LONRF2: variants seen among roughly 807,000 people sequenced by gnomAD.
LONRF2 encodes LON peptidase N-terminal domain and ring finger 2.
LONRF2 carries 35 observed loss-of-function variants against 66.6 expected under a neutral mutation model. The observed-to-expected ratio is 0.53, with a 90% CI of 0.40 to 0.70. The LOEUF (loss-of-function observed/expected upper bound fraction) is 0.70, where lower values mean the gene tolerates loss of function less well. Among genes scored for constraint, LONRF2 ranks in the 30% least tolerant of loss-of-function variants. The pLI is 0.00. For missense variants in LONRF2, 902 were observed against 1,002.1 expected (o/e 0.90, Z 1.35); for synonymous variants, 417 against 418.1 (o/e 1.00, Z 0.03).
intron 6 of LONRF2, 55 bp from the exon 7 acceptor site, chr2:100,299,005 A>C: frequency 7.2e-7 from 1 of 1,382,078 alleles, no homozygotes; most frequent in Non-Finnish European, 1.0e-6. Flanking sequence ...CTTTCAAATC[A>C]TGGACTGGTT....
In LONRF2 at chr2:100,321,948, A is replaced by T. The variant is rs763015178; in HGVS notation, c.146T>A (p.Met49Lys). 1.2e-5 allele frequency: 18 copies of T among 1,452,314 alleles called. No homozygotes were observed. The East Asian group carries it at 2.3e-4, about 19-fold the overall frequency. The allele number at this position is 1,452,314 out of a possible 1,614,324, so 90.0% of individuals were successfully genotyped here. The change falls in exon 1 of 12, where the codon ATG becomes AAG. Residue 49 changes from methionine (M) to lysine (K), a missense_variant. By Grantham distance (95) the Met-to-Lys change is moderately conservative. This residue lies in a region of LONRF2 where 585 missense variants were observed against 569.9 expected (regional missense o/e 1.03). Coordinates refer to ENST00000393437, the MANE Select transcript of LONRF2 (RefSeq NM_198461.4). ...YEMAAELFRSMLAGLAQPDRG... is the reference protein window; with the variant it reads ...YEMAAELFRSKLAGLAQPDRG... Reference sequence around the variant, plus strand: ...GTCCGGCTGCGCCAGCCCGGCTAGCATGGAGCGAAAGAGCTCGGCTGCCAT... The same window carrying T: ...GTCCGGCTGCGCCAGCCCGGCTAGCTTGGAGCGAAAGAGCTCGGCTGCCAT...
Position 100,321,639 on chromosome 2 carries a change from T to A in LONRF2, c.455A>T (p.Lys152Met), listed in dbSNP as rs776775414. 2.5e-5 allele frequency: 36 copies of A among 1,440,268 alleles called. 1 individual carries two copies. In the South Asian group the frequency reaches 4.7e-4, roughly 19 times the overall value. 89.2% of individuals were successfully genotyped at this position (1,440,268 alleles called of 1,614,324 possible). A position where few individuals can be genotyped will look rare whatever the true frequency, so the allele number is the denominator to read the frequency against. ...GAGCCCGCAGGGCAGCGTCACCGGC[T>A]TATGCAGCAGCCGCCGGCAGCGCGG... ...GCPRCRRLLH[K>M]PVTLPCGLTV... is the part of the protein sequence containing the mutation. Residue 152 changes from lysine to methionine, a missense_variant, in exon 1 of 12, where the codon AAG becomes ATG. This residue lies in a region of LONRF2 where 585 missense variants were observed against 569.9 expected (regional missense o/e 1.03). Coordinates refer to ENST00000393437, the MANE Select transcript of LONRF2 (RefSeq NM_198461.4).
intron 7 of LONRF2, among the ~76,000 whole-genome samples, chr2:100,297,277 C>G (rs1354908988): frequency 6.7e-6 from 1 of 150,180 alleles, no homozygotes; most frequent in Non-Finnish European, 1.5e-5. Flanking sequence ...TACAGGTGCC[C>G]GCCACCATAC....
At position 100,272,038 on chromosome 2, in the gene LONRF2, C is replaced by T. The variant is rs1674510869; in HGVS notation, c.*12260G>A. Among the ~76,000 whole-genome samples, 1 of 152,182 alleles carries T rather than the reference C, an allele frequency of 6.6e-6. No individual in the cohort carries two copies. Among genetic ancestry groups the T allele is most frequent in the Non-Finnish European group, 1.5e-5 (1 of 68,040 alleles). On this transcript the variant is annotated 3_prime_UTR_variant, in exon 12 of 12. Coordinates refer to ENST00000393437, the MANE Select transcript of LONRF2 (RefSeq NM_198461.4). Reference sequence around the variant, plus strand: ...TAAAAGACTTCATCAGAGGTTTTCCCAGATTTGACAACCATCCTATTTAAA... The same window carrying T: ...TAAAAGACTTCATCAGAGGTTTTCCTAGATTTGACAACCATCCTATTTAAA...
chr2:100,294,125 A>G, intron 9 of LONRF2, 104 bp downstream of exon 9: 1 of 1,341,140 alleles, frequency 7.5e-7, no homozygotes, highest in Non-Finnish European at 1.0e-6. Flanking sequence ...ACGTAACGGG[A>G]GCCACTGGAG....
rs1674633678 is a variant in LONRF2 at position 100,277,970 on chromosome 2, G to A, written c.*6328C>T. ...GGCAGGCATCACTGGAAGTCACTGA[G>A]ACACACATGCCACTTCTCGGAATCC... is the stretch of plus-strand genomic sequence containing the variant. On this transcript the variant is annotated 3_prime_UTR_variant, in exon 12 of 12. Coordinates refer to ENST00000393437, the MANE Select transcript of LONRF2 (RefSeq NM_198461.4). 3 of 152,186 alleles carry A rather than the reference G, an allele frequency of 2.0e-5. No homozygotes were observed. The South Asian group carries it at 6.2e-4, about 32-fold the overall frequency. 9.4% of individuals were successfully genotyped at this position (152,186 alleles called of 1,614,324 possible).
chr2:100,312,337 C>T (rs915816008), intron 1 of LONRF2, among the ~76,000 whole-genome samples: 2 of 151,984 alleles, frequency 1.3e-5, no homozygotes, highest in African/African-American at 4.8e-5. Flanking sequence ...TTATGCCTTG[C>T]TTTTTCTTGA....
At position 100,271,982 on chromosome 2, in the gene LONRF2, G is replaced by A. The variant is rs189737405; in HGVS notation, c.*12316C>T. 8.5e-5 allele frequency among the ~76,000 whole-genome samples: 13 copies of A among 152,322 alleles called. No individual in the cohort carries two copies. The highest frequency in any genetic ancestry group is 3.9e-4 in the East Asian group (2 of 5,186). ...AAGATTAGTCACTGCATGAGGAAGC[G>A]GGAAAATGCCTGATCCTTACAACTC... is the stretch of plus-strand genomic sequence containing the variant. On this transcript the variant is annotated 3_prime_UTR_variant, in exon 12 of 12. Coordinates refer to ENST00000393437, the MANE Select transcript of LONRF2 (RefSeq NM_198461.4).
chr2:100,306,284 T>C (rs940014405), intron 2 of LONRF2, among the ~76,000 whole-genome samples: 2 of 152,162 alleles, frequency 1.3e-5, no homozygotes, highest in Admixed American at 1.3e-4. Context: ...TCCCCAACTT[T>C]CATGTTTCAG....
chr2:100,295,395 GAACTT>G, intron 8 of LONRF2, 32 bp downstream of exon 8: 1 of 1,588,722 alleles, frequency 6.3e-7, no homozygotes, highest in Non-Finnish European at 8.6e-7. Context: ...AGTTCAATCT[GAACTT>G]AAGACCAAGG....
chr2:100,284,519 G>C, intron 11 of LONRF2, 27 bp from the exon 12 acceptor site: 1 of 1,495,218 alleles, frequency 6.7e-7, no homozygotes, highest in Non-Finnish European at 8.9e-7. Flanking sequence ...GGGAAAGCAA[G>C]GTTAACACTG....
In LONRF2 at chr2:100,318,516, C is replaced by T. The variant is rs1559183983; in HGVS notation, c.679+2899G>A. ...CAGCACTAATGACTACCACACTTCG[C>T]TAAGGTCACATAATAAATAAGCATC... On this transcript the variant is annotated intron_variant, in intron 1 of 11. Coordinates refer to ENST00000393437, the MANE Select transcript of LONRF2 (RefSeq NM_198461.4). 3.3e-5 allele frequency among the ~76,000 whole-genome samples: 5 copies of T among 152,086 alleles called. No individual in the cohort carries two copies. In the East Asian group the frequency reaches 9.6e-4, roughly 29 times the overall value.
In LONRF2 at chr2:100,275,458, C is replaced by G. The variant is rs1674580796; in HGVS notation, c.*8840G>C. ...GTGAGGAATTAATCGCACTCCTGGG[C>G]AAAGGATCTGGGTGTTGGTCTCCAA... On this transcript the variant is annotated 3_prime_UTR_variant, in exon 12 of 12. Coordinates refer to ENST00000393437, the MANE Select transcript of LONRF2 (RefSeq NM_198461.4). 1 of 152,248 alleles carries G rather than the reference C, an allele frequency of 6.6e-6. No homozygotes were observed. Among genetic ancestry groups the G allele is most frequent in the Non-Finnish European group, 1.5e-5 (1 of 68,044 alleles). The allele number at this position is 152,248 out of a possible 1,614,324, so 9.4% of individuals were successfully genotyped here.
intron 1 of LONRF2, 148 bp from the exon 2 acceptor site, chr2:100,309,373 A>T: frequency 2.5e-6 from 1 of 398,456 alleles, no homozygotes; most frequent in Non-Finnish European, 4.4e-6. Flanking sequence ...AAACAAAATA[A>T]GAAAGAATTC....
intron 4 of LONRF2, 83 bp downstream of exon 4, chr2:100,300,561 T>A (rs1675164458): frequency 1.5e-6 from 2 of 1,343,282 alleles, no homozygotes; most frequent in Admixed American, 5.0e-5. Context: ...CCATAATGTG[T>A]GAATAATCTG....
chr2:100,272,907 G>A lies in LONRF2; in HGVS notation c.*11391C>T, dbSNP rs149444165. Among the ~76,000 whole-genome samples, 1,819 of 152,204 alleles carry A rather than the reference G, an allele frequency of 0.012. 45 individuals carry two copies. Among genetic ancestry groups the A allele is most frequent in the African/African-American group, 0.042 (1,731 of 41,520 alleles). ...TTCCTACTAAAATTAAATTGGAATC[G>A]TTCCACATCTGCACTGTGTTGAATA... On this transcript the variant is annotated 3_prime_UTR_variant, in exon 12 of 12. Coordinates refer to ENST00000393437, the MANE Select transcript of LONRF2 (RefSeq NM_198461.4).
intron 2 of LONRF2, among the ~76,000 whole-genome samples, chr2:100,308,051 C>G (rs979464392): frequency 2.6e-5 from 4 of 152,180 alleles, no homozygotes; most frequent in African/African-American, 9.7e-5. Flanking sequence ...GACACTCAGG[C>G]TAACCTCAAA....
chr2:100,303,489 G>T (rs1675227884), intron 2 of LONRF2, among the ~76,000 whole-genome samples: 1 of 152,104 alleles, frequency 6.6e-6, no homozygotes, highest in African/African-American at 2.4e-5. Context: ...AATACAATAT[G>T]GATCAGTAAT....
chr2:100,294,367 A>G lies in LONRF2; in HGVS notation c.1619T>C (p.Ile540Thr). ...ELSNLTRDVPIFVCAMAFPTV... is the reference protein window; with the variant it reads ...ELSNLTRDVPTFVCAMAFPTV... ...GGGGAAGGCCATGGCACACACAAAG[A>G]TGGGGACGTCTCTGGTCAGACTGCA... Residue 540 changes from isoleucine to threonine, a missense_variant, in exon 9 of 12, where the codon ATC (isoleucine) becomes ACC (threonine). By Grantham distance (89) the Ile-to-Thr change is moderately conservative. Transcript: ENST00000393437. The G allele has an allele frequency of 6.3e-7, 1 of 1,594,600 alleles. No individual in the cohort carries two copies. Among genetic ancestry groups the G allele is most frequent in the Non-Finnish European group, 8.5e-7 (1 of 1,173,116 alleles).
Sources: allele counts gnomAD v4.1 joint callset (sites outside exome capture counted in the v4.1 genomes callset), GRCh38; gene constraint gnomAD v4.1.1; regional missense constraint gnomAD v4.1.1; transcripts MANE v1.5; gene names NCBI Gene and HGNC (gene_info 2026-07-23, HGNC 2026-07-21).